SUCLG2: variants seen among roughly 807,000 people sequenced by gnomAD.
The protein encoded by SUCLG2 is succinate--CoA ligase [GDP-forming] subunit beta, mitochondrial.
A neutral mutation model predicts 47.9 loss-of-function variants in SUCLG2; 42 were observed. The observed-to-expected ratio is 0.88, with a 90% CI of 0.69 to 1.14. The LOEUF is 1.14. SUCLG2 is among the 50% of genes most tolerant of loss of function. The pLI is 0.00. For synonymous variants in SUCLG2, 195 were observed against 197.3 expected, an observed-to-expected ratio of 0.99 and a Z score of 0.10; for missense variants, 571 against 525.9, an observed-to-expected ratio of 1.09 and a Z score of -0.84.
At chr3:67,399,140 G>C (rs954815565) in intron 10 of SUCLG2, among the ~76,000 whole-genome samples, 2 of 151,126 alleles carry the variant, frequency 1.3e-5, no homozygotes, top group African/African-American at 2.4e-5. Context: ...CCTGCACATT[G>C]TGCACATGTA....
intron 2 of SUCLG2, among the ~76,000 whole-genome samples, chr3:67,544,333 T>C (rs1706804588): frequency 2.0e-5 from 3 of 152,146 alleles, no homozygotes; most frequent in Admixed American, 2.0e-4. Flanking sequence ...GGGAGGGACC[T>C]AGTGGGAGGT....
chr3:67,426,532 A>C (rs1703304636), intron 9 of SUCLG2, among the ~76,000 whole-genome samples: 2 of 152,216 alleles, frequency 1.3e-5, no homozygotes, highest in Non-Finnish European at 2.9e-5. Context: ...ACTGTAAAGA[A>C]CATACTTACC....
At chr3:67,560,519 G>C (rs1184694607) in intron 2 of SUCLG2, among the ~76,000 whole-genome samples, 1 of 152,194 alleles carries the variant, frequency 6.6e-6, no homozygotes, top group Non-Finnish European at 1.5e-5. Flanking sequence ...CTCTAAGCTA[G>C]ATGTCCTCTC....
At chr3:67,612,174 C>A (rs1364168880) in intron 1 of SUCLG2, among the ~76,000 whole-genome samples, 1 of 152,072 alleles carries the variant, frequency 6.6e-6, no homozygotes, top group Non-Finnish European at 1.5e-5. Flanking sequence ...GCCTGGGCAA[C>A]ATAGTGAGAC....
At chr3:67,631,871 T>C (rs1400415171) in intron 1 of SUCLG2, among the ~76,000 whole-genome samples, 2 of 152,170 alleles carry the variant, frequency 1.3e-5, no homozygotes, top group African/African-American at 2.4e-5. Context: ...TGAATGATAA[T>C]TAATTAATTA....
chr3:67,426,140 G>C (rs1340758898), intron 9 of SUCLG2, among the ~76,000 whole-genome samples: 1 of 152,054 alleles, frequency 6.6e-6, no homozygotes, highest in African/African-American at 2.4e-5. Flanking sequence ...CCAAGCTTTA[G>C]TATTTTAAAA....
At chr3:67,386,720 G>A (rs1702268437) in intron 10 of SUCLG2, among the ~76,000 whole-genome samples, 1 of 152,148 alleles carries the variant, frequency 6.6e-6, no homozygotes, top group Non-Finnish European at 1.5e-5. Context: ...TCTTCCACAG[G>A]GTGCTGCCCA....
At chr3:67,395,717 C>T (rs1417920539) in intron 10 of SUCLG2, among the ~76,000 whole-genome samples, 1 of 152,178 alleles carries the variant, frequency 6.6e-6, no homozygotes, top group Non-Finnish European at 1.5e-5. Context: ...ACAGAATATA[C>T]ATTTTTTTCA....
chr3:67,649,517 A>G (rs12714500), intron 1 of SUCLG2, among the ~76,000 whole-genome samples: 56,339 of 151,916 alleles, frequency 0.37, 10,822 homozygotes, highest in African/African-American at 0.44. Context: ...TTGTATACCC[A>G]AAAGTGCCAT....
intron 10 of SUCLG2, among the ~76,000 whole-genome samples, chr3:67,393,198 C>T (rs192146550): frequency 4.7e-4 from 71 of 151,054 alleles, no homozygotes; most frequent in South Asian, 1.1e-3. Flanking sequence ...GCACCATGCA[C>T]GAGCCAAAGC....
intron 4 of SUCLG2, among the ~76,000 whole-genome samples, chr3:67,527,667 C>A (rs1193246250): frequency 6.6e-6 from 1 of 151,962 alleles, no homozygotes; most frequent in Non-Finnish European, 1.5e-5. Context: ...TGCAATATAC[C>A]CCCAGCAATA....
At chr3:67,368,565 T>C (rs948122938) in intron 10 of SUCLG2, among the ~76,000 whole-genome samples, 1 of 152,096 alleles carries the variant, frequency 6.6e-6, no homozygotes, top group Non-Finnish European at 1.5e-5. Flanking sequence ...TCCACTATTT[T>C]ATATGTTTCC....
At chr3:67,472,371 T>C (rs1450516310) in intron 9 of SUCLG2, among the ~76,000 whole-genome samples, 4 of 152,224 alleles carry the variant, frequency 2.6e-5, no homozygotes, top group Admixed American at 6.5e-5. Flanking sequence ...ATGTGTTAGA[T>C]CTAGATTAGG....
intron 2 of SUCLG2, among the ~76,000 whole-genome samples, chr3:67,597,869 C>T (rs934996254): frequency 6.6e-6 from 1 of 151,784 alleles, no homozygotes; most frequent in African/African-American, 2.4e-5. Flanking sequence ...ACCTGGGAGG[C>T]AGAGGTTGCA....
At chr3:67,557,820 G>A (rs1281411270) in intron 2 of SUCLG2, among the ~76,000 whole-genome samples, 3 of 152,172 alleles carry the variant, frequency 2.0e-5, no homozygotes, top group Non-Finnish European at 2.9e-5. Flanking sequence ...AGAGGGTTTT[G>A]ATGCACAGGC....
chr3:67,458,241 A>G (rs1199035359), intron 9 of SUCLG2, among the ~76,000 whole-genome samples: 2 of 152,150 alleles, frequency 1.3e-5, no homozygotes, highest in African/African-American at 2.4e-5. Flanking sequence ...AAATGGTTCT[A>G]TCAAGTTTTG....
intron 5 of SUCLG2, among the ~76,000 whole-genome samples, chr3:67,519,264 C>T (rs1181052145): frequency 6.6e-6 from 1 of 152,126 alleles, no homozygotes; most frequent in East Asian, 1.9e-4. Flanking sequence ...GGGATGGTGT[C>T]CCATCCAGGG....
At chr3:67,478,366 A>C (rs919386582) in intron 9 of SUCLG2, among the ~76,000 whole-genome samples, 20 of 152,238 alleles carry the variant, frequency 1.3e-4, no homozygotes, top group African/African-American at 4.8e-4. Flanking sequence ...CAACTTGCCC[A>C]AGGTCAAAAA....
At position 67,514,480 on chromosome 3, in the gene SUCLG2, A is replaced by G. The variant is rs558984034; in HGVS notation, c.660+3767T>C. Among the ~76,000 whole-genome samples the G allele has an allele frequency of 1.8e-3, 276 of 152,310 alleles. 2 individuals carry two copies. Among genetic ancestry groups the G allele is most frequent in the Middle Eastern group, 6.8e-3 (2 of 294 alleles). On this transcript the variant is annotated intron_variant, in intron 6 of 10. Coordinates refer to ENST00000307227, the MANE Select transcript of SUCLG2 (RefSeq NM_003848.4). ...CTCTCAAATCTAGCCAGAAGTACAA[A>G]CCACTTCAAGAGGTGTTAGTGATCT... is the stretch of plus-strand genomic sequence containing the variant.
Sources: allele counts gnomAD v4.1 joint callset (sites outside exome capture counted in the v4.1 genomes callset), GRCh38; gene constraint gnomAD v4.1.1; transcripts MANE v1.5; gene names NCBI Gene and HGNC (gene_info 2026-07-23, HGNC 2026-07-21).